Variants in GPC5 observed in about 807,000 individuals in gnomAD.
GPC5 encodes the protein glypican-5.
GPC5 carries 47 observed loss-of-function variants against 53.9 expected under a neutral mutation model. The observed-to-expected ratio is 0.87, with a 90% CI of 0.69 to 1.11. The LOEUF (loss-of-function observed/expected upper bound fraction) is 1.11. Ranked by LOEUF, GPC5 falls within the 50% of genes most tolerant of loss-of-function variation. The pLI is 0.00. For synonymous variants in GPC5, 286 were observed against 263.3 expected (o/e 1.09, Z -0.84); for missense variants, 748 against 713.1 (o/e 1.05, Z -0.56).
chr13:92,414,835 G>C (rs1876211892), intron 7 of GPC5, among the ~76,000 whole-genome samples: 1 of 152,148 alleles, frequency 6.6e-6, no homozygotes, highest in Non-Finnish European at 1.5e-5. Context: ...TGGTGGAATG[G>C]GTGTGGGACC....
intron 6 of GPC5, among the ~76,000 whole-genome samples, chr13:92,137,406 G>A (rs1240815360): frequency 6.6e-6 from 1 of 152,152 alleles, no homozygotes; most frequent in Non-Finnish European, 1.5e-5. Context: ...CAGAGTCAAG[G>A]CAGAGTGGGG....
intron 7 of GPC5, among the ~76,000 whole-genome samples, chr13:92,718,844 T>C (rs1333467353): frequency 6.7e-6 from 1 of 150,362 alleles, no homozygotes; most frequent in Non-Finnish European, 1.5e-5. Context: ...TGAACCCAGA[T>C]TGCACCACTG....
intron 7 of GPC5, among the ~76,000 whole-genome samples, chr13:92,164,727 G>A (rs1477396337): frequency 2.0e-5 from 3 of 152,152 alleles, no homozygotes; most frequent in East Asian, 1.9e-4. Flanking sequence ...GATTTTTTGT[G>A]TGGGGACTCT....
chr13:91,740,842 C>T (rs1372223672), intron 4 of GPC5, among the ~76,000 whole-genome samples: 1 of 152,118 alleles, frequency 6.6e-6, no homozygotes, highest in Non-Finnish European at 1.5e-5. Context: ...TTGAAGTTAG[C>T]TGGTAAGAAT....
chr13:92,004,394 G>A (rs2040584388), intron 6 of GPC5, among the ~76,000 whole-genome samples: 2 of 144,094 alleles, frequency 1.4e-5, no homozygotes, highest in Non-Finnish European at 3.0e-5. Flanking sequence ...GCAATGAGCT[G>A]AGATTGCACC....
chr13:91,427,469 A>G (rs180705533), intron 1 of GPC5, among the ~76,000 whole-genome samples: 65 of 152,292 alleles, frequency 4.3e-4, no homozygotes, highest in Non-Finnish European at 7.5e-4. Flanking sequence ...TCATACTTGT[A>G]TGGGGCCAGT....
Position 91,848,089 on chromosome 13 carries a change from C to A in GPC5, c.1281-59848C>A, listed in dbSNP as rs187477263. ...TTCACAGTGATGGAATGGGCTGCTG[C>A]CTTTCAGGCCTAAACTTTTCACATA... On this transcript the variant is annotated intron_variant, in intron 5 of 7. Coordinates refer to ENST00000377067, the MANE Select transcript of GPC5 (RefSeq NM_004466.6). 1.5e-3 allele frequency among the ~76,000 whole-genome samples: 233 copies of A among 152,302 alleles called. 1 individual carries two copies. The Middle Eastern group carries it at 0.054, about 36-fold the overall frequency.
chr13:92,220,346 G>A lies in GPC5; in HGVS notation c.1561+75357G>A, dbSNP rs577155549. ...CTAAGAACAGATAATCTGAAACCAT[G>A]TTTGAGTTAAAACACTGGTTTTTGC... On this transcript the variant is annotated intron_variant, in intron 7 of 7. Coordinates refer to ENST00000377067, the MANE Select transcript of GPC5 (RefSeq NM_004466.6). Among the ~76,000 whole-genome samples, 13 of 152,268 alleles carry A rather than the reference G, an allele frequency of 8.5e-5. No individual in the cohort carries two copies. The East Asian group carries it at 2.5e-3, about 29-fold the overall frequency.
chr13:92,675,914 A>C (rs1209434418), intron 7 of GPC5, among the ~76,000 whole-genome samples: 1 of 152,160 alleles, frequency 6.6e-6, no homozygotes, highest in East Asian at 1.9e-4. Context: ...AAGTGTGAAC[A>C]CTTACTGTAT....
intron 6 of GPC5, among the ~76,000 whole-genome samples, chr13:92,080,912 T>C (rs2041289902): frequency 6.6e-6 from 1 of 152,186 alleles, no homozygotes; most frequent in African/African-American, 2.4e-5. Context: ...CTCCCTTCAC[T>C]TAAATCACAG....
chr13:91,984,066 G>A (rs990785847), intron 6 of GPC5, among the ~76,000 whole-genome samples: 2 of 152,032 alleles, frequency 1.3e-5, no homozygotes, highest in Non-Finnish European at 2.9e-5. Context: ...TGCTCCACCC[G>A]AACAACATAT....
At chr13:92,325,876 C>A (rs970883386) in intron 7 of GPC5, among the ~76,000 whole-genome samples, 5 of 151,888 alleles carry the variant, frequency 3.3e-5, no homozygotes, top group Non-Finnish European at 5.9e-5. Flanking sequence ...TACAAAGGGG[C>A]CTCACTATAC....
intron 7 of GPC5, among the ~76,000 whole-genome samples, chr13:92,387,892 A>G (rs890703748): frequency 2.0e-5 from 3 of 152,302 alleles, no homozygotes; most frequent in Admixed American, 6.5e-5. Context: ...AGTTCCTAGC[A>G]GATAATCAGT....
chr13:92,019,955 A>G (rs1197524416), intron 6 of GPC5, among the ~76,000 whole-genome samples: 2 of 152,102 alleles, frequency 1.3e-5, no homozygotes, highest in Non-Finnish European at 2.9e-5. Flanking sequence ...TGGAAGTTTG[A>G]TATGAGTATC....
At chr13:92,303,683 C>T (rs1460418677) in intron 7 of GPC5, among the ~76,000 whole-genome samples, 10 of 152,172 alleles carry the variant, frequency 6.6e-5, no homozygotes, top group Admixed American at 2.0e-4. Flanking sequence ...AGCTGATCAG[C>T]GAGGATGTGA....
intron 2 of GPC5, among the ~76,000 whole-genome samples, chr13:91,651,232 A>T (rs927510938): frequency 4.6e-5 from 7 of 151,420 alleles, no homozygotes; most frequent in East Asian, 1.9e-4. Flanking sequence ...TTACAGACAC[A>T]TTTTTTTTTC....
intron 7 of GPC5, among the ~76,000 whole-genome samples, chr13:92,569,703 C>A (rs1282785688): frequency 5.9e-5 from 9 of 152,078 alleles, no homozygotes; most frequent in Admixed American, 5.9e-4. Context: ...GTCTAGTGCA[C>A]CAGGATTATA....
chr13:92,335,541 C>T (rs748653905), intron 7 of GPC5, among the ~76,000 whole-genome samples: 5 of 152,126 alleles, frequency 3.3e-5, no homozygotes, highest in Non-Finnish European at 5.9e-5. Context: ...TTCTGCAGCT[C>T]GCTTGAATTT....
intron 6 of GPC5, among the ~76,000 whole-genome samples, chr13:92,036,881 C>A (rs547393538): frequency 6.6e-6 from 1 of 152,280 alleles, no homozygotes; most frequent in Admixed American, 6.5e-5. Flanking sequence ...TTCTCTCTAA[C>A]TCTTCCTATA....
Sources: allele counts gnomAD v4.1 joint callset (sites outside exome capture counted in the v4.1 genomes callset), GRCh38; gene constraint gnomAD v4.1.1; transcripts MANE v1.5; gene names NCBI Gene and HGNC (gene_info 2026-07-23, HGNC 2026-07-21).